Variants in IFT122 observed in about 807,000 individuals in gnomAD.
IFT122 encodes intraflagellar transport protein 122 homolog.
A neutral mutation model predicts 161.6 loss-of-function variants in IFT122; 118 were observed. That is an observed-to-expected ratio of 0.73 (90% confidence interval 0.63 to 0.85). The LOEUF is 0.85. IFT122 is among the 40% of genes least tolerant of loss of function. The probability of loss-of-function intolerance (pLI) is 0.00; values close to 1 mark genes in which losing one functional copy is unlikely to be tolerated. For synonymous variants in IFT122, 550 were observed against 602.4 expected, an observed-to-expected ratio of 0.91 and a Z score of 1.27; for missense variants, 1,381 against 1,579.6, an observed-to-expected ratio of 0.87 and a Z score of 2.13.
At chr3:129,516,444 C>CCA (rs1415608030) in intron 26 of IFT122, among the ~76,000 whole-genome samples, 1 of 82,760 alleles carries the variant, frequency 1.2e-5, no homozygotes, top group Non-Finnish European at 2.4e-5. Flanking sequence ...CTGCCCCTGC[C>CCA]CACACACACA....
chr3:129,466,310 A>G (rs1035882545), intron 7 of IFT122, among the ~76,000 whole-genome samples: 3 of 151,938 alleles, frequency 2.0e-5, no homozygotes, highest in Non-Finnish European at 4.4e-5. Context: ...TGTACCATGC[A>G]TGTCTAATGC....
chr3:129,464,559 G>GGCATCA, intron 6 of IFT122, 76 bp from the exon 7 acceptor site: 1 of 1,564,956 alleles, frequency 6.4e-7, no homozygotes, highest in Non-Finnish European at 8.8e-7. Context: ...TTCAAACCAA[G>GGCATCA]GCATCATCCT....
intron 4 of IFT122, 138 bp from the exon 5 acceptor site, chr3:129,461,089 TG>T (rs2076167745): frequency 2.1e-6 from 2 of 936,872 alleles, no homozygotes; most frequent in Non-Finnish European, 3.5e-6. Context: ...AATTAATTTC[TG>T]TGCTTTTTGT....
chr3:129,464,562 A>G, intron 6 of IFT122, 73 bp from the exon 7 acceptor site: 1 of 1,578,690 alleles, frequency 6.3e-7, no homozygotes, highest in Non-Finnish European at 8.7e-7. Flanking sequence ...AAACCAAGGC[A>G]TCATCCTCAC....
chr3:129,499,138 C>T (rs1431260602), intron 18 of IFT122, among the ~76,000 whole-genome samples: 1 of 152,228 alleles, frequency 6.6e-6, no homozygotes, highest in Non-Finnish European at 1.5e-5. Context: ...CCCATGGCCT[C>T]CTGCTGTCCC....
intron 19 of IFT122, among the ~76,000 whole-genome samples, chr3:129,501,114 G>A (rs2081484768): frequency 6.6e-6 from 1 of 152,098 alleles, no homozygotes; most frequent in African/African-American, 2.4e-5. Flanking sequence ...ACTGAGACAG[G>A]ATGGATTCAG....
chr3:129,470,834 TGCTGGGATTACAGGCATGA>T (rs1414263043), intron 9 of IFT122, among the ~76,000 whole-genome samples: 2 of 151,982 alleles, frequency 1.3e-5, no homozygotes, highest in Non-Finnish European at 2.9e-5. Flanking sequence ...TCTCCCAAAG[TGCTGGGATTACAGGCATGA>T]GCTGCCACCA....
chr3:129,475,477 C>T (rs1043810781), intron 9 of IFT122, among the ~76,000 whole-genome samples: 10 of 152,152 alleles, frequency 6.6e-5, no homozygotes, highest in African/African-American at 2.4e-4. Flanking sequence ...CAAGGAGAAA[C>T]ACCGTCTCTG....
At chr3:129,483,387 T>C in intron 14 of IFT122, 98 bp from the exon 15 acceptor site, 1 of 993,732 alleles carries the variant, frequency 1.0e-6, no homozygotes, top group South Asian at 1.3e-5. Flanking sequence ...AGCAATTTAG[T>C]GGGATTCAGT....
chr3:129,512,271 C>G (rs1215404676), intron 23 of IFT122, 41 bp from the exon 24 acceptor site: 2 of 1,427,760 alleles, frequency 1.4e-6, no homozygotes, highest in Non-Finnish European at 2.0e-6. Context: ...AGCAGCAGCT[C>G]TTGAAGAACT....
chr3:129,460,516 G>T (rs1215050004), intron 4 of IFT122, among the ~76,000 whole-genome samples: 4 of 151,674 alleles, frequency 2.6e-5, no homozygotes, highest in Non-Finnish European at 5.9e-5. Flanking sequence ...TCCCTTGGCC[G>T]CCCAAACTGC....
intron 7 of IFT122, among the ~76,000 whole-genome samples, chr3:129,465,222 G>C (rs2076614289): frequency 6.6e-6 from 1 of 151,560 alleles, no homozygotes; most frequent in South Asian, 2.1e-4. Context: ...TCTTTGCTGT[G>C]GCTTTATTTT....
At chr3:129,517,268 G>GCACGCGCGCGCGCACACA (rs1553776446) in intron 26 of IFT122, among the ~76,000 whole-genome samples, 1 of 117,122 alleles carries the variant, frequency 8.5e-6, no homozygotes, top group Non-Finnish European at 1.8e-5. Context: ...CATTGCTCCT[G>GCACGCGCGCGCGCACACA]CACACACACA....
chr3:129,501,184 C>T (rs2081495105), intron 19 of IFT122, among the ~76,000 whole-genome samples: 1 of 152,124 alleles, frequency 6.6e-6, no homozygotes, highest in Non-Finnish European at 1.5e-5. Context: ...AGTCAGTGAG[C>T]TTCAGGCTCA....
intron 23 of IFT122, 35 bp from the exon 24 acceptor site, chr3:129,512,277 G>A: frequency 2.0e-6 from 3 of 1,473,820 alleles, no homozygotes; most frequent in Non-Finnish European, 2.9e-6. Flanking sequence ...AGCTCTTGAA[G>A]AACTCAATCC....
intron 20 of IFT122, chr3:129,503,915 A>G (rs1222115493): frequency 6.9e-5 from 23 of 334,190 alleles, no homozygotes; most frequent in Non-Finnish European, 1.2e-4. Context: ...CACGAAGCCC[A>G]CAGTCATCTT....
chr3:129,501,245 A>G (rs2081508075), intron 19 of IFT122, among the ~76,000 whole-genome samples: 1 of 152,138 alleles, frequency 6.6e-6, no homozygotes, highest in Non-Finnish European at 1.5e-5. Context: ...AAAGGACACG[A>G]TGGGACAAGC....
chr3:129,491,143 A>G (rs1159737308), intron 16 of IFT122, among the ~76,000 whole-genome samples: 1 of 152,142 alleles, frequency 6.6e-6, no homozygotes, highest in Non-Finnish European at 1.5e-5. Context: ...TGTGGGATGA[A>G]AAGATAAAGT....
At chr3:129,454,510 T>C (rs2107965219) in intron 3 of IFT122, among the ~76,000 whole-genome samples, 1 of 134,948 alleles carries the variant, frequency 7.4e-6, no homozygotes, top group Non-Finnish European at 1.5e-5. Flanking sequence ...ATGGTAGTCA[T>C]ATTTGTGTGT....
Sources: allele counts gnomAD v4.1 joint callset (sites outside exome capture counted in the v4.1 genomes callset), GRCh38; gene constraint gnomAD v4.1.1; transcripts MANE v1.5; gene names NCBI Gene and HGNC (gene_info 2026-07-23, HGNC 2026-07-21).